PTPRU: variants seen among roughly 807,000 people sequenced by gnomAD.
PTPRU encodes the protein protein tyrosine phosphatase receptor type U.
In PTPRU, 69 loss-of-function variants were observed where a neutral mutation model predicts 166.3. The ratio of observed to expected loss-of-function variants is 0.41; its 90% CI spans 0.34 to 0.51. The LOEUF is 0.51. Ranked by LOEUF, PTPRU falls within the 20% of genes least tolerant of loss-of-function variation. PTPRU has a pLI of 0.09. For missense variants in PTPRU, 1,657 were observed against 2,013.7 expected, an observed-to-expected ratio of 0.82 and a Z score of 3.39; for synonymous variants, 793 against 814.0, an observed-to-expected ratio of 0.97 and a Z score of 0.44.
intron 14 of PTPRU, among the ~76,000 whole-genome samples, chr1:29,286,614 G>A (rs1686360522): frequency 6.6e-6 from 1 of 151,968 alleles, no homozygotes; most frequent in South Asian, 2.1e-4. Flanking sequence ...GTAGGGCTGG[G>A]GCTGGAGAGG....
At chr1:29,258,371 TG>T in intron 2 of PTPRU, 133 bp from the exon 3 acceptor site, 1 of 956,020 alleles carries the variant, frequency 1.0e-6, no homozygotes, top group Non-Finnish European at 1.6e-6. Context: ...GAGGTGGAGC[TG>T]GGGCCAGAAC....
intron 14 of PTPRU, among the ~76,000 whole-genome samples, chr1:29,288,796 G>A (rs1047353266): frequency 6.6e-6 from 1 of 152,148 alleles, no homozygotes; most frequent in Non-Finnish European, 1.5e-5. Flanking sequence ...GTTTGCTCTG[G>A]ACTCTGCCAC....
rs960314308 is a variant in PTPRU at position 29,293,740 on chromosome 1, C to G, written c.2476+1714C>G. 6.6e-5 allele frequency among the ~76,000 whole-genome samples: 10 copies of G among 151,314 alleles called. No individual in the cohort carries two copies. In the South Asian group the frequency reaches 2.1e-3, roughly 32 times the overall value. On this transcript the variant is annotated intron_variant, in intron 15 of 29. Coordinates refer to ENST00000373779, the MANE Select transcript of PTPRU (RefSeq NM_133178.4). Reference sequence around the variant, plus strand: ...CCACCTGCCTCGACCTCCCAAAGTGCTGGGATTACAGGCGTGAGCCACTGC... The same window carrying G: ...CCACCTGCCTCGACCTCCCAAAGTGGTGGGATTACAGGCGTGAGCCACTGC...
chr1:29,275,409 T>G, intron 7 of PTPRU, 39 bp from the exon 8 acceptor site: 2 of 1,538,714 alleles, frequency 1.3e-6, no homozygotes, highest in South Asian at 1.1e-5. Context: ...CTCTTCCCAT[T>G]TCTTCTAACT....
rs1269838565 is a variant in PTPRU, at chr1:29,291,363, G to A, written c.2319-506G>A. The stretch of plus-strand genomic sequence containing the variant: ...TGAGCACAAGCTAGACTCTCTGCGG[G>A]GAAGGAGGGGTGTAGTCCCTCCTTC... On this transcript the variant is annotated intron_variant, in intron 14 of 29. Coordinates refer to ENST00000373779, the MANE Select transcript of PTPRU (RefSeq NM_133178.4). This position sits in a 1 kb window ranked among gnomAD's most constrained non-coding sequence, Gnocchi z 4.1. 6.6e-6 allele frequency among the ~76,000 whole-genome samples: 1 copy of A among 152,082 alleles called. No homozygotes were observed. The highest frequency in any genetic ancestry group is 1.9e-4 in the East Asian group (1 of 5,164).
At chr1:29,274,425 A>G (rs1685705751) in intron 7 of PTPRU, among the ~76,000 whole-genome samples, 1 of 152,178 alleles carries the variant, frequency 6.6e-6, no homozygotes, top group Admixed American at 6.5e-5. Context: ...TATCATTATC[A>G]TTATATAATA....
chr1:29,325,433 G>T, intron 29 of PTPRU, 107 bp downstream of exon 29: 1 of 1,523,630 alleles, frequency 6.6e-7, no homozygotes, highest in Non-Finnish European at 9.1e-7. Context: ...ACTGGGCCTT[G>T]GTTCTAGCCC....
At chr1:29,292,097 C>A in intron 15 of PTPRU, 71 bp downstream of exon 15, 1 of 1,564,390 alleles carries the variant, frequency 6.4e-7, no homozygotes, top group South Asian at 1.2e-5. Context: ...AGGGTCCCCA[C>A]ATCAGGTGAG....
At chr1:29,312,497 T>C in intron 21 of PTPRU, 55 bp from the exon 22 acceptor site, 1 of 1,499,906 alleles carries the variant, frequency 6.7e-7, no homozygotes, top group South Asian at 1.3e-5. Flanking sequence ...AGCAGGTGTC[T>C]AATGGTGACA....
At chr1:29,272,056 C>T (rs185250258) in intron 7 of PTPRU, among the ~76,000 whole-genome samples, 71 of 152,294 alleles carry the variant, frequency 4.7e-4, no homozygotes, top group African/African-American at 1.4e-3. Flanking sequence ...CAGCCAGGAC[C>T]ACAGCCAGAG....
chr1:29,315,321 C>G lies in PTPRU; in HGVS notation c.3228-51C>G, dbSNP rs530518608. The G allele has an allele frequency of 1.3e-5, 21 of 1,610,344 alleles. No homozygotes were observed. The South Asian group carries it at 1.6e-4, about 13-fold the overall frequency. The stretch of plus-strand genomic sequence containing the variant: ...CCTCCTCTCTTCTTCTCCTTAGTCC[C>G]GGGCTTCCTCCCCAAAGCTCTGACC... On this transcript the variant is annotated intron_variant, in intron 22 of 29. Transcript: ENST00000373779. This position sits in a 1 kb window ranked among gnomAD's most constrained non-coding sequence, Gnocchi z 4.5.
At chr1:29,296,181 T>C (rs1038481414) in intron 15 of PTPRU, among the ~76,000 whole-genome samples, 5 of 152,198 alleles carry the variant, frequency 3.3e-5, no homozygotes, top group African/African-American at 1.2e-4. Context: ...ATAGACTGGT[T>C]GTAGCTGGAA....
At chr1:29,252,401 G>A (rs1684590459) in intron 1 of PTPRU, among the ~76,000 whole-genome samples, 1 of 151,648 alleles carries the variant, frequency 6.6e-6, no homozygotes. Context: ...CCAAGTAGCT[G>A]GGACTATAGG....
chr1:29,269,832 A>G (rs1685486251), intron 7 of PTPRU, among the ~76,000 whole-genome samples: 1 of 152,004 alleles, frequency 6.6e-6, no homozygotes, highest in Non-Finnish European at 1.5e-5. Context: ...TGCAGTAGAC[A>G]TTTTTACACC....
chr1:29,284,858 C>T lies in PTPRU; in HGVS notation c.2307C>T (p.Ile769=). ...LILLLGAIIV[I]IRKGKPVNMT... Reference sequence around the variant, plus strand: ...TTCTCCTGGGTGCCATCATTGTCATCATCCGCAAAGGGTGAGTGAGGCCGG... The same window carrying T: ...TTCTCCTGGGTGCCATCATTGTCATTATCCGCAAAGGGTGAGTGAGGCCGG... The change falls in exon 14 of 30, where the codon ATC becomes ATT. Residue 769 remains isoleucine (I), a synonymous_variant. Coordinates refer to ENST00000373779, the MANE Select transcript of PTPRU (RefSeq NM_133178.4). The T allele has an allele frequency of 2.5e-6, 4 of 1,612,062 alleles. No individual in the cohort carries two copies. Among genetic ancestry groups the T allele is most frequent in the Non-Finnish European group, 1.7e-6 (2 of 1,178,726 alleles).
rs572632994 is a variant in PTPRU at position 29,311,813 on chromosome 1, GCC to G, written c.3072+56_3072+57del. ...AGAGGGTGCCTGAGCAGGGATTAGA[GCC>G]CACTCCCACTTCCCCCAGCCCTGGG... On this transcript the variant is annotated intron_variant, in intron 21 of 29. Transcript: ENST00000373779. The surrounding 1 kb of genome is among the most constrained non-coding windows in gnomAD (Gnocchi z 4.1). 581 of 1,522,656 alleles carry G rather than the reference GCC, an allele frequency of 3.8e-4. 11 individuals are homozygous for G. In the South Asian group the frequency reaches 6.5e-3, roughly 17 times the overall value. 94.3% of individuals were successfully genotyped at this position (1,522,656 alleles called of 1,614,324 possible).
chr1:29,287,175 C>T (rs1427408946), intron 14 of PTPRU, among the ~76,000 whole-genome samples: 2 of 152,110 alleles, frequency 1.3e-5, no homozygotes, highest in African/African-American at 2.4e-5. Context: ...ATTTCAGATT[C>T]TCCATCCTGC....
chr1:29,302,151 A>ATGTGTGTGTGTG (rs138316498), intron 15 of PTPRU, among the ~76,000 whole-genome samples: 157 of 142,306 alleles, frequency 1.1e-3, no homozygotes, highest in African/African-American at 3.8e-3. Flanking sequence ...GCTAATGTGT[A>ATGTGTGTGTGTG]TGTGTGTGTG....
chr1:29,302,122 T>C (rs1557466883), intron 15 of PTPRU, among the ~76,000 whole-genome samples: 1 of 151,750 alleles, frequency 6.6e-6, no homozygotes, highest in Non-Finnish European at 1.5e-5. Flanking sequence ...CTGATGATCC[T>C]GACCCTGTGC....
Sources: allele counts gnomAD v4.1 joint callset (sites outside exome capture counted in the v4.1 genomes callset), GRCh38; gene constraint gnomAD v4.1.1; non-coding constraint Gnocchi (gnomAD v3.1); transcripts MANE v1.5; gene names NCBI Gene and HGNC (gene_info 2026-07-23, HGNC 2026-07-21).